ZCWPW2: variants seen among roughly 807,000 people sequenced by gnomAD.
ZCWPW2 encodes zinc finger CW-type PWWP domain protein 2.
In ZCWPW2, 45 loss-of-function variants were observed where a neutral mutation model predicts 46.6. That is an observed-to-expected ratio of 0.96 (90% CI 0.76 to 1.24). The LOEUF is 1.24. Ranked by LOEUF, ZCWPW2 falls within the 50% of genes most tolerant of loss-of-function variation. The pLI is 0.00. For synonymous variants in ZCWPW2, 152 were observed against 137.1 expected (o/e 1.11, Z -0.76); for missense variants, 429 against 403.9 (o/e 1.06, Z -0.53).
chr3:28,516,332 C>T (rs1700573601), intron 8 of ZCWPW2, among the ~76,000 whole-genome samples: 1 of 151,218 alleles, frequency 6.6e-6, no homozygotes, highest in South Asian at 2.1e-4. Flanking sequence ...GAAGAAATAC[C>T]AACAACTATA....
At chr3:28,516,670 T>C (rs1700582381) in intron 8 of ZCWPW2, among the ~76,000 whole-genome samples, 1 of 152,130 alleles carries the variant, frequency 6.6e-6, no homozygotes, top group Non-Finnish European at 1.5e-5. Flanking sequence ...CCTATGGCAT[T>C]GCATTTCAAT....
At chr3:28,462,136 C>G (rs1184388968) in intron 4 of ZCWPW2, among the ~76,000 whole-genome samples, 2 of 152,122 alleles carry the variant, frequency 1.3e-5, no homozygotes, top group Non-Finnish European at 2.9e-5. Context: ...GCAGGGCAGA[C>G]TGGGAACACA....
At chr3:28,365,995 C>T (rs1317144503) in intron 1 of ZCWPW2, among the ~76,000 whole-genome samples, 14 of 150,592 alleles carry the variant, frequency 9.3e-5, no homozygotes, top group East Asian at 3.9e-4. Flanking sequence ...ATTGATTTTG[C>T]GTCCTGAGAC....
intron 6 of ZCWPW2, among the ~76,000 whole-genome samples, 161 bp from the exon 7 acceptor site, chr3:28,513,903 C>T (rs922693595): frequency 3.3e-5 from 5 of 151,528 alleles, no homozygotes; most frequent in African/African-American, 1.2e-4. Context: ...ATGCAATTGC[C>T]GTGACTATGC....
intron 1 of ZCWPW2, among the ~76,000 whole-genome samples, chr3:28,357,204 C>A (rs1023132288): frequency 1.3e-5 from 2 of 151,816 alleles, no homozygotes; most frequent in African/African-American, 4.8e-5. Context: ...TATAAAGCTA[C>A]GAATAAATAA....
chr3:28,452,485 G>A (rs1423062986), intron 4 of ZCWPW2, among the ~76,000 whole-genome samples: 1 of 151,978 alleles, frequency 6.6e-6, no homozygotes. Flanking sequence ...TAGTAGAGAC[G>A]GGGTTTCACC....
At chr3:28,357,661 G>C (rs938436112) in intron 1 of ZCWPW2, among the ~76,000 whole-genome samples, 2 of 151,754 alleles carry the variant, frequency 1.3e-5, no homozygotes, top group Non-Finnish European at 2.9e-5. Flanking sequence ...CTTCTGTTTT[G>C]CAAGCCTTTG....
chr3:28,381,054 A>ATATATATATATATTTGGTG (rs1695085012), intron 1 of ZCWPW2, among the ~76,000 whole-genome samples: 4 of 58,346 alleles, frequency 6.9e-5, no homozygotes, highest in African/African-American at 3.4e-4. Context: ...TTTGGTGTAT[A>ATATATATATATATTTGGTG]TATATATATA....
chr3:28,465,519 A>G (rs1441848351), intron 4 of ZCWPW2, among the ~76,000 whole-genome samples: 1 of 152,216 alleles, frequency 6.6e-6, no homozygotes, highest in Admixed American at 6.5e-5. Flanking sequence ...CGAAAAGAAC[A>G]TGAACTCATT....
intron 1 of ZCWPW2, among the ~76,000 whole-genome samples, chr3:28,365,813 T>G (rs1369491859): frequency 1.4e-5 from 2 of 141,242 alleles, no homozygotes. Context: ...TGTATCCTCT[T>G]TTATTTCGTT....
At chr3:28,468,673 G>T (rs1457549622) in intron 4 of ZCWPW2, among the ~76,000 whole-genome samples, 1 of 152,176 alleles carries the variant, frequency 6.6e-6, no homozygotes, top group East Asian at 1.9e-4. Context: ...CATATTTGAA[G>T]TGCTGAAGTA....
chr3:28,444,470 G>A (rs747287474), intron 4 of ZCWPW2, among the ~76,000 whole-genome samples: 1 of 152,144 alleles, frequency 6.6e-6, no homozygotes, highest in African/African-American at 2.4e-5. Flanking sequence ...AAGGGAAGTT[G>A]CCACTACAGA....
At chr3:28,483,860 A>G (rs1291372255) in intron 5 of ZCWPW2, among the ~76,000 whole-genome samples, 1 of 152,150 alleles carries the variant, frequency 6.6e-6, no homozygotes, top group Non-Finnish European at 1.5e-5. Context: ...ATAATCTATT[A>G]TTAATTACAG....
chr3:28,476,357 G>T (rs1699238124), intron 4 of ZCWPW2, among the ~76,000 whole-genome samples: 1 of 152,076 alleles, frequency 6.6e-6, no homozygotes, highest in Non-Finnish European at 1.5e-5. Context: ...AGTTTTTTGA[G>T]TTCCTTAGGA....
intron 6 of ZCWPW2, among the ~76,000 whole-genome samples, chr3:28,505,212 C>T (rs1000978851): frequency 6.6e-6 from 1 of 152,102 alleles, no homozygotes; most frequent in African/African-American, 2.4e-5. Flanking sequence ...TGATAAGCCC[C>T]TCAAAGCAGA....
intron 4 of ZCWPW2, among the ~76,000 whole-genome samples, chr3:28,441,662 C>G (rs1271769546): frequency 6.6e-6 from 1 of 152,094 alleles, no homozygotes; most frequent in Non-Finnish European, 1.5e-5. Flanking sequence ...AGCCACTTCC[C>G]CATGTACCTT....
intron 1 of ZCWPW2, among the ~76,000 whole-genome samples, chr3:28,390,260 ATTAC>A (rs1695433606): frequency 6.6e-6 from 1 of 152,180 alleles, no homozygotes; most frequent in African/African-American, 2.4e-5. Flanking sequence ...TATTTTTATT[ATTAC>A]TTAACCATAA....
intron 1 of ZCWPW2, among the ~76,000 whole-genome samples, chr3:28,361,748 C>G (rs1319824106): frequency 6.6e-6 from 1 of 152,002 alleles, no homozygotes; most frequent in East Asian, 1.9e-4. Flanking sequence ...AGAAGATATG[C>G]AGATGGCAAG....
intron 1 of ZCWPW2, among the ~76,000 whole-genome samples, chr3:28,372,985 G>A (rs968047314): frequency 1.3e-5 from 2 of 152,036 alleles, no homozygotes; most frequent in Admixed American, 1.3e-4. Flanking sequence ...ATATTCCATG[G>A]TCTATATCTA....
Sources: gnomAD v4.1 joint callset for allele counts (sites outside exome capture counted in the v4.1 genomes callset) on GRCh38, gnomAD v4.1.1 for gene constraint, MANE v1.5 for transcripts, NCBI Gene and HGNC (gene_info 2026-07-23, HGNC 2026-07-21) for gene names.